The following RYR2 variants were observed in gnomAD, a reference collection of about 807,000 sequenced individuals.
RYR2 encodes cardiac muscle ryanodine receptor-calcium release channel.
Under a neutral mutation model 601.1 loss-of-function variants are expected in RYR2, and 227 were observed. That is an observed-to-expected ratio of 0.38 (90% CI 0.34 to 0.42). RYR2 has a LOEUF of 0.42. Ranked by LOEUF, RYR2 falls within the 10% of genes least tolerant of loss-of-function variation. The pLI is 1.00. For synonymous variants in RYR2, 2,223 were observed against 2,175.1 expected, an observed-to-expected ratio of 1.02 and a Z score of -0.61; for missense variants, 4,646 against 6,156.5, an observed-to-expected ratio of 0.75 and a Z score of 8.21.
chr1:237,140,883 C>T (rs559411400), intron 1 of RYR2, among the ~76,000 whole-genome samples: 22 of 152,282 alleles, frequency 1.4e-4, no homozygotes, highest in Non-Finnish European at 2.4e-4. Context: ...AGAGCTAGGC[C>T]GAGCTCAGTG....
intron 1 of RYR2, among the ~76,000 whole-genome samples, chr1:237,119,451 C>G (rs41454545): frequency 0.022 from 3,298 of 152,206 alleles, 116 homozygotes; most frequent in African/African-American, 0.075. Context: ...TGCGTATGCT[C>G]TCATCTTGGT....
intron 1 of RYR2, among the ~76,000 whole-genome samples, chr1:237,089,984 A>G (rs2148454195): frequency 6.6e-6 from 1 of 152,326 alleles, no homozygotes; most frequent in African/African-American, 2.4e-5. Flanking sequence ...TGGCTGGGGA[A>G]GCCTCAGGAA....
chr1:237,694,070 G>A (rs1246258544), intron 63 of RYR2, among the ~76,000 whole-genome samples: 1 of 152,038 alleles, frequency 6.6e-6, no homozygotes, highest in Non-Finnish European at 1.5e-5. Flanking sequence ...TGAGGCGGGC[G>A]GATCACAAGG....
At chr1:237,069,110 C>T (rs1260186132) in intron 1 of RYR2, among the ~76,000 whole-genome samples, 3 of 152,144 alleles carry the variant, frequency 2.0e-5, no homozygotes, top group Non-Finnish European at 4.4e-5. Context: ...TTAAATTCTG[C>T]TCTTCATTGG....
intron 89 of RYR2, among the ~76,000 whole-genome samples, chr1:237,781,873 T>TAACA (rs1695143297): frequency 6.6e-6 from 1 of 152,220 alleles, no homozygotes; most frequent in Non-Finnish European, 1.5e-5. Flanking sequence ...TAGTACTTTA[T>TAACA]AACAGTACTT....
rs1038177173 is a variant in RYR2 at position 237,445,592 on chromosome 1, A to G, written c.1292+70A>G. 21 of 1,576,428 alleles carry G rather than the reference A, an allele frequency of 1.3e-5. No individual in the cohort carries two copies. The Admixed American group carries it at 2.4e-4, about 18-fold the overall frequency. ...ATTTCTTTATTGGATATGCAAATAG[A>G]CAATTTAAAAGTATGCTATGATGGT... On this transcript the variant is annotated intron_variant, in intron 14 of 104. Coordinates refer to ENST00000366574, the MANE Select transcript of RYR2 (RefSeq NM_001035.3).
intron 41 of RYR2, 120 bp downstream of exon 41, chr1:237,628,200 A>G: frequency 2.6e-6 from 3 of 1,152,866 alleles, no homozygotes; most frequent in Non-Finnish European, 3.6e-6. Context: ...CGATTATTAT[A>G]CTAAATAGCT....
chr1:237,699,752 G>T (rs1687796317), intron 64 of RYR2, among the ~76,000 whole-genome samples: 1 of 152,190 alleles, frequency 6.6e-6, no homozygotes, highest in Admixed American at 6.6e-5. Context: ...TGGCATTAAG[G>T]TATGAAGTTC....
At chr1:237,334,492 A>G (rs1200500854) in intron 3 of RYR2, among the ~76,000 whole-genome samples, 2 of 151,480 alleles carry the variant, frequency 1.3e-5, no homozygotes, top group African/African-American at 4.8e-5. Context: ...CAGTATTTAT[A>G]TAATTACATT....
chr1:237,405,109 C>G (rs1163815305), intron 10 of RYR2, among the ~76,000 whole-genome samples: 3 of 152,200 alleles, frequency 2.0e-5, no homozygotes, highest in Non-Finnish European at 1.5e-5. Context: ...TGGTGTTTCT[C>G]AGCCATGAAG....
chr1:237,353,681 TG>T (rs1321282873), intron 3 of RYR2, among the ~76,000 whole-genome samples: 1 of 152,134 alleles, frequency 6.6e-6, no homozygotes, highest in Non-Finnish European at 1.5e-5. Context: ...AGGGAAATTT[TG>T]TTTTTATTTT....
chr1:237,477,079 T>C (rs946867875), intron 17 of RYR2, among the ~76,000 whole-genome samples: 1 of 152,120 alleles, frequency 6.6e-6, no homozygotes, highest in African/African-American at 2.4e-5. Flanking sequence ...AAGGGCTTAC[T>C]TGAGAAAAAC....
chr1:237,112,379 G>T (rs1319238974), intron 1 of RYR2, among the ~76,000 whole-genome samples: 1 of 152,160 alleles, frequency 6.6e-6, no homozygotes, highest in East Asian at 1.9e-4. Flanking sequence ...CTCCCAGAGT[G>T]CTGGGATTAC....
intron 2 of RYR2, among the ~76,000 whole-genome samples, chr1:237,307,827 G>A (rs1298141888): frequency 6.6e-6 from 1 of 152,146 alleles, no homozygotes; most frequent in Non-Finnish European, 1.5e-5. Flanking sequence ...TCGGTTTGCT[G>A]TACTTAATAT....
At chr1:237,422,403 G>T (rs1181485453) in intron 11 of RYR2, among the ~76,000 whole-genome samples, 1 of 152,008 alleles carries the variant, frequency 6.6e-6, no homozygotes, top group East Asian at 1.9e-4. Flanking sequence ...AATTTTTAAT[G>T]ATCATAACTT....
At position 237,695,365 on chromosome 1, in the gene RYR2, T is replaced by C. The variant is rs114734449; in HGVS notation, c.9068-3600T>C. On this transcript the variant is annotated intron_variant, in intron 63 of 104. Coordinates refer to ENST00000366574, the MANE Select transcript of RYR2 (RefSeq NM_001035.3). The stretch of plus-strand genomic sequence containing the variant: ...ATAAATACACAATCTTAAGGACAAA[T>C]AGGCAATCTATCATTGTTTCCCTGA... Among the ~76,000 whole-genome samples, 770 of 152,296 alleles carry C rather than the reference T, an allele frequency of 5.1e-3. 6 individuals carry two copies. Among genetic ancestry groups the C allele is most frequent in the African/African-American group, 0.018 (734 of 41,568 alleles).
chr1:237,377,280 T>C (rs1701120189), intron 7 of RYR2, 43 bp from the exon 8 acceptor site: 1 of 1,439,934 alleles, frequency 6.9e-7, no homozygotes, highest in African/African-American at 1.4e-5. Flanking sequence ...AGATTTTAAT[T>C]AAGAGGAACT....
intron 1 of RYR2, among the ~76,000 whole-genome samples, chr1:237,143,988 G>T (rs993287897): frequency 1.3e-5 from 2 of 152,068 alleles, no homozygotes; most frequent in Non-Finnish European, 2.9e-5. Flanking sequence ...AATTAGCTGC[G>T]CATGGTGACA....
intron 10 of RYR2, among the ~76,000 whole-genome samples, chr1:237,389,979 T>C (rs1052697288): frequency 1.3e-5 from 2 of 152,146 alleles, no homozygotes; most frequent in African/African-American, 4.8e-5. Context: ...AATAGCCTAA[T>C]CAGGCAGGGG....
Sources: allele counts gnomAD v4.1 joint callset (sites outside exome capture counted in the v4.1 genomes callset), GRCh38; gene constraint gnomAD v4.1.1; transcripts MANE v1.5; gene names NCBI Gene and HGNC (gene_info 2026-07-23, HGNC 2026-07-21).